The following COL23A1 variants were observed in gnomAD, a reference collection of about 807,000 sequenced individuals.
COL23A1 encodes the protein collagen alpha-1(XXIII) chain.
In COL23A1, 97 loss-of-function variants were observed where a neutral mutation model predicts 99.3. The ratio of observed to expected loss-of-function variants is 0.98; its 90% CI spans 0.83 to 1.16. The LOEUF is 1.16. Among genes scored for constraint, COL23A1 ranks in the 50% most tolerant of loss-of-function variants. The probability of loss-of-function intolerance (pLI) is 0.00; values close to 1 mark genes in which losing one functional copy is unlikely to be tolerated. For missense variants in COL23A1, 762 were observed against 757.4 expected, an observed-to-expected ratio of 1.01 and a Z score of -0.07; for synonymous variants, 320 against 308.2, an observed-to-expected ratio of 1.04 and a Z score of -0.40.
At chr5:178,279,052 G>A (rs997205045) in intron 5 of COL23A1, among the ~76,000 whole-genome samples, 2 of 152,146 alleles carry the variant, frequency 1.3e-5, no homozygotes, top group Non-Finnish European at 2.9e-5. Flanking sequence ...TCTGGAGCTC[G>A]GAGAGGCCAG....
At chr5:178,465,509 A>G (rs1025257627) in intron 2 of COL23A1, among the ~76,000 whole-genome samples, 3 of 152,206 alleles carry the variant, frequency 2.0e-5, no homozygotes, top group African/African-American at 7.2e-5. Flanking sequence ...CCTCCGAGCA[A>G]GCCTGCTGTG....
chr5:178,329,885 C>T (rs552036666), intron 2 of COL23A1, among the ~76,000 whole-genome samples: 2 of 151,310 alleles, frequency 1.3e-5, no homozygotes, highest in South Asian at 2.1e-4. Context: ...TGCAGTGAGC[C>T]GAGATTGCGC....
chr5:178,571,127 C>T (rs771700026), intron 1 of COL23A1, among the ~76,000 whole-genome samples: 3 of 151,996 alleles, frequency 2.0e-5, no homozygotes, highest in East Asian at 1.9e-4. Flanking sequence ...TTTGGGAGGC[C>T]GAGGCAGGAG....
chr5:178,443,442 G>A lies in COL23A1; in HGVS notation c.361+117240C>T, dbSNP rs1370461338. On this transcript the variant is annotated intron_variant, in intron 2 of 28. Coordinates refer to ENST00000390654, the MANE Select transcript of COL23A1 (RefSeq NM_173465.4). Reference sequence around the variant, plus strand: ...AATCTTCTTCTTCTGGGGATGTCCAGTTCTGTAAATTTTTTGTTGTTTTTT... The same window carrying A: ...AATCTTCTTCTTCTGGGGATGTCCAATTCTGTAAATTTTTTGTTGTTTTTT... Among the ~76,000 whole-genome samples the A allele has an allele frequency of 2.6e-5, 4 of 152,318 alleles. No homozygotes were observed. In the East Asian group the frequency reaches 7.7e-4, roughly 29 times the overall value.
At chr5:178,394,330 G>A (rs144008620) in intron 2 of COL23A1, among the ~76,000 whole-genome samples, 149 of 152,312 alleles carry the variant, frequency 9.8e-4, no homozygotes, top group African/African-American at 3.3e-3. Context: ...AGTCAACCCT[G>A]AGCCCTCAAC....
intron 6 of COL23A1, 43 bp from the exon 7 acceptor site, chr5:178,268,799 C>A: frequency 6.4e-7 from 1 of 1,574,432 alleles, no homozygotes; most frequent in Non-Finnish European, 8.7e-7. Flanking sequence ...GAGTGAGGGG[C>A]CTAGGCTGGC....
intron 3 of COL23A1, among the ~76,000 whole-genome samples, chr5:178,297,655 G>A (rs1346389337): frequency 2.0e-5 from 3 of 152,144 alleles, no homozygotes; most frequent in Non-Finnish European, 2.9e-5. Context: ...CTTGTGGGTC[G>A]GGGACTGTTT....
intron 11 of COL23A1, 50 bp downstream of exon 11, chr5:178,261,672 G>A (rs1175242432): frequency 1.4e-6 from 2 of 1,411,510 alleles, no homozygotes; most frequent in East Asian, 4.5e-5. Flanking sequence ...TGGTGGGGGA[G>A]TCCATCCCAC....
intron 2 of COL23A1, among the ~76,000 whole-genome samples, chr5:178,445,613 G>A (rs937064991): frequency 6.6e-6 from 1 of 152,052 alleles, no homozygotes; most frequent in Non-Finnish European, 1.5e-5. Flanking sequence ...CACTTTGAAC[G>A]ACTTGCTACC....
chr5:178,469,345 C>T (rs933956719), intron 2 of COL23A1, among the ~76,000 whole-genome samples: 12 of 152,142 alleles, frequency 7.9e-5, no homozygotes, highest in Non-Finnish European at 1.5e-4. Context: ...CAGGCTCCTG[C>T]GGCTCCTCTC....
At chr5:178,576,608 A>G (rs1375756633) in intron 1 of COL23A1, among the ~76,000 whole-genome samples, 4 of 152,146 alleles carry the variant, frequency 2.6e-5, no homozygotes, top group Non-Finnish European at 5.9e-5. Context: ...GGGCTGGCGC[A>G]GAGACCCATC....
chr5:178,289,014 A>G (rs984485568), intron 4 of COL23A1, among the ~76,000 whole-genome samples: 1 of 152,168 alleles, frequency 6.6e-6, no homozygotes, highest in Non-Finnish European at 1.5e-5. Context: ...CCCCGGCGTT[A>G]GGTACTTCAG....
At chr5:178,347,654 G>A (rs1414970925) in intron 2 of COL23A1, among the ~76,000 whole-genome samples, 4 of 151,758 alleles carry the variant, frequency 2.6e-5, no homozygotes, top group Non-Finnish European at 2.9e-5. Context: ...GAGCTGAGGC[G>A]GGCGGATCAT....
intron 2 of COL23A1, among the ~76,000 whole-genome samples, chr5:178,536,488 A>G (rs1013248145): frequency 6.6e-6 from 1 of 152,194 alleles, no homozygotes; most frequent in Non-Finnish European, 1.5e-5. Context: ...CACTGTCTAC[A>G]GGTTGTACAA....
chr5:178,471,657 C>T (rs1202850377), intron 2 of COL23A1, among the ~76,000 whole-genome samples: 1 of 152,116 alleles, frequency 6.6e-6, no homozygotes, highest in Non-Finnish European at 1.5e-5. Flanking sequence ...TTTGGACCTG[C>T]CTCTCCCTAT....
Position 178,247,777 on chromosome 5 carries a change from T to C in COL23A1, c.1267A>G (p.Met423Val). ...AAACCAAAGCAAACCGTCCTTACCATCGGGCCTGGGGGGCCAGGGGGGCCA... is the reference window on the plus strand; with the variant it reads ...AAACCAAAGCAAACCGTCCTTACCACCGGGCCTGGGGGGCCAGGGGGGCCA... ...PPGPPGPPGPMGLQGIQGPKG... is the reference protein window; with the variant it reads ...PPGPPGPPGPVGLQGIQGPKG... Residue 423 changes from methionine (M) to valine (V), a missense_variant and splice_region_variant, in exon 21 of 29, where the codon ATG becomes GTG. Physicochemically the swap from Met to Val is conservative, Grantham distance 21. Coordinates refer to ENST00000390654, the MANE Select transcript of COL23A1 (RefSeq NM_173465.4). The C allele has an allele frequency of 6.2e-7, 1 of 1,613,200 alleles. No homozygotes were observed. The highest frequency in any genetic ancestry group is 8.5e-7 in the Non-Finnish European group (1 of 1,179,372).
chr5:178,449,710 T>C (rs956254113), intron 2 of COL23A1, among the ~76,000 whole-genome samples: 2 of 151,920 alleles, frequency 1.3e-5, no homozygotes, highest in Non-Finnish European at 2.9e-5. Flanking sequence ...ATTAGAGAAG[T>C]GGCCCGAGAC....
intron 5 of COL23A1, 22 bp downstream of exon 5, chr5:178,288,302 A>C (rs1581531828): frequency 5.5e-6 from 1 of 183,292 alleles, no homozygotes; most frequent in Non-Finnish European, 1.2e-5. Context: ...TGAAGAGAGC[A>C]AAAAAATAAA....
chr5:178,527,411 AC>A (rs1364776976), intron 2 of COL23A1, among the ~76,000 whole-genome samples: 6 of 151,424 alleles, frequency 4.0e-5, no homozygotes, highest in Middle Eastern at 3.2e-3. Flanking sequence ...TCAGCGGTTG[AC>A]CCCCTCATCT....
Sources: gnomAD v4.1 joint callset for allele counts (sites outside exome capture counted in the v4.1 genomes callset) on GRCh38, gnomAD v4.1.1 for gene constraint, MANE v1.5 for transcripts, NCBI Gene and HGNC (gene_info 2026-07-23, HGNC 2026-07-21) for gene names.